CLCN6: variants seen among roughly 807,000 people sequenced by gnomAD.
The protein encoded by CLCN6 is Cl-/H+ antiporter 6.
CLCN6 carries 70 observed loss-of-function variants against 109.8 expected under a neutral mutation model. The ratio of observed to expected loss-of-function variants is 0.64; its 90% CI spans 0.53 to 0.78. CLCN6 has a LOEUF of 0.78. Ranked by LOEUF, CLCN6 falls within the 30% of genes least tolerant of loss-of-function variation. The pLI is 0.00. For synonymous variants in CLCN6, 444 were observed against 447.8 expected (o/e 0.99, Z 0.11); for missense variants, 984 against 1,142.3 (o/e 0.86, Z 2.00).
At chr1:11,812,666 G>T (rs1315292398) in intron 2 of CLCN6, among the ~76,000 whole-genome samples, 3 of 48,378 alleles carry the variant, frequency 6.2e-5, no homozygotes, top group East Asian at 7.6e-4. Context: ...AAGTATGTTT[G>T]TGTGTGTGTG....
At chr1:11,826,879 G>A (rs891638849) in intron 9 of CLCN6, among the ~76,000 whole-genome samples, 5 of 152,124 alleles carry the variant, frequency 3.3e-5, no homozygotes, top group African/African-American at 1.2e-4. Context: ...CAGAGTAGCC[G>A]CCATGCTGAA....
Position 11,834,422 on chromosome 1 carries a change from T to C in CLCN6, c.1686+27T>C, listed in dbSNP as rs996552785. The C allele has an allele frequency of 3.7e-6, 6 of 1,612,982 alleles. No individual in the cohort carries two copies. The highest frequency in any genetic ancestry group is 5.1e-6 in the Non-Finnish European group (6 of 1,179,238). ...TGAGCACACTCCCTCCAGGCCCCTG[T>C]CAGGCTCAGGGCCACGTCCGCCCCA... On this transcript the variant is annotated intron_variant, in intron 16 of 22. Coordinates refer to ENST00000346436, the MANE Select transcript of CLCN6 (RefSeq NM_001286.5). This position sits in a 1 kb window ranked among gnomAD's most constrained non-coding sequence, Gnocchi z 4.5.
At chr1:11,830,282 C>CT (rs991352850) in intron 13 of CLCN6, 10 of 151,894 alleles carry the variant, frequency 6.6e-5, no homozygotes, top group African/African-American at 1.9e-4. Flanking sequence ...TGAGCATTCT[C>CT]TAAGTGCGGT....
At chr1:11,824,457 G>C (rs1392358467) in intron 7 of CLCN6, 29 bp from the exon 8 acceptor site, 3 of 1,601,376 alleles carry the variant, frequency 1.9e-6, no homozygotes, top group Admixed American at 3.4e-5. Context: ...TGCACTGACT[G>C]TTGGTCTTTC....
Position 11,834,250 on chromosome 1 carries a change from G to T in CLCN6, c.1541G>T (p.Gly514Val). 6.2e-7 allele frequency: 1 copy of T among 1,613,460 alleles called. No individual in the cohort carries two copies. The highest frequency in any genetic ancestry group is 1.7e-5 in the Admixed American group (1 of 59,918). ...ANVLKSYIGLGHIYSGTFALI... is the reference protein window; with the variant it reads ...ANVLKSYIGLVHIYSGTFALI... ...TCCTTCACTAGCTACATTGGATTGG[G>T]CCACATCTATTCGGGGACCTTTGCC... is the stretch of plus-strand genomic sequence containing the variant. Residue 514 changes from glycine (G) to valine (V), a missense_variant, in exon 16 of 23, where the codon GGC (glycine) becomes GTC (valine). By Grantham distance (109) the Gly-to-Val change is moderately radical. Transcript: ENST00000346436. This position sits in a 1 kb window ranked among gnomAD's most constrained non-coding sequence, Gnocchi z 4.5.
chr1:11,820,891 A>G (rs1644732419), intron 5 of CLCN6: 1 of 152,524 alleles, frequency 6.6e-6, no homozygotes, highest in African/African-American at 2.4e-5. Flanking sequence ...CCTGGCTAAC[A>G]TGACAAAACC....
intron 9 of CLCN6, among the ~76,000 whole-genome samples, chr1:11,826,425 A>G (rs1022286230): frequency 6.6e-6 from 1 of 152,250 alleles, no homozygotes; most frequent in East Asian, 1.9e-4. Context: ...CGTAAGGCCT[A>G]GAAGCATCTC....
At chr1:11,809,101 A>T (rs1242659838) in intron 2 of CLCN6, among the ~76,000 whole-genome samples, 1 of 152,002 alleles carries the variant, frequency 6.6e-6, no homozygotes, top group East Asian at 1.9e-4. Context: ...ACCTCAGGTG[A>T]TACTGCTTCG....
chr1:11,833,430 C>A, intron 13 of CLCN6, 85 bp from the exon 14 acceptor site: 1 of 1,389,818 alleles, frequency 7.2e-7, no homozygotes, highest in Non-Finnish European at 1.0e-6. Context: ...GTGCAGCCAC[C>A]TGTTTTGGAC....
rs886685822 is a variant in CLCN6 at position 11,827,205 on chromosome 1, G to A, written c.824G>A (p.Gly275Glu). The change falls in exon 10 of 23, where the codon GGG becomes GAG. Residue 275 changes from glycine (G) to glutamate (E), a missense_variant. Transcript: ENST00000346436. Reference sequence around the variant, plus strand: ...GAGGGTTCGTCCTTCTGGAACCAAGGGCTCACGTGGAAAGTGGTGAGGAGG... The same window carrying A: ...GAGGGTTCGTCCTTCTGGAACCAAGAGCTCACGTGGAAAGTGGTGAGGAGG... Reference protein sequence around the residue: ...LEEGSSFWNQGLTWKVLFCSM... With the variant: ...LEEGSSFWNQELTWKVLFCSM... The A allele has an allele frequency of 6.2e-7, 1 of 1,612,324 alleles. No individual in the cohort carries two copies. Among genetic ancestry groups the A allele is most frequent in the Admixed American group, 1.7e-5 (1 of 59,706 alleles).
At chr1:11,827,992 G>A (rs1321375189) in intron 10 of CLCN6, 114 bp from the exon 11 acceptor site, 6 of 764,738 alleles carry the variant, frequency 7.8e-6, no homozygotes, top group East Asian at 4.9e-5. Flanking sequence ...CTCTGTACCC[G>A]GATGTAGATT....
At chr1:11,811,909 T>A (rs934085501) in intron 2 of CLCN6, among the ~76,000 whole-genome samples, 4 of 152,108 alleles carry the variant, frequency 2.6e-5, no homozygotes, top group Non-Finnish European at 4.4e-5. Flanking sequence ...CCATACATAT[T>A]TTGGATGAAG....
rs775535430 is a variant in CLCN6, at chr1:11,837,035, A to C, written c.2017A>C (p.Lys673Gln). The C allele has an allele frequency of 2.5e-6, 4 of 1,612,410 alleles. No homozygotes were observed. In the African/African-American group the frequency reaches 5.3e-5, roughly 22 times the overall value. The change falls in exon 19 of 23, where the codon AAA becomes CAA. Residue 673 changes from lysine to glutamine, a missense_variant. By Grantham distance (53) the Lys-to-Gln change is moderately conservative (BLOSUM62 1). Coordinates refer to ENST00000346436, the MANE Select transcript of CLCN6 (RefSeq NM_001286.5). ...CCTCACCCGGGCTGGCGAGCAGCGC[A>C]AACGGAGCCAGTCCATGAAGTCCTA... Reference protein sequence around the residue: ...SILTRAGEQRKRSQSMKSYPS... With the variant: ...SILTRAGEQRQRSQSMKSYPS...
At chr1:11,828,690 A>G (rs1348837657) in intron 12 of CLCN6, 66 bp downstream of exon 12, 4 of 1,499,712 alleles carry the variant, frequency 2.7e-6, no homozygotes, top group African/African-American at 2.8e-5. Flanking sequence ...GGGCCGCGCC[A>G]TCTCTCCCGA....
At chr1:11,821,855 G>A (rs1644747962) in intron 5 of CLCN6, among the ~76,000 whole-genome samples, 1 of 151,922 alleles carries the variant, frequency 6.6e-6, no homozygotes, top group South Asian at 2.1e-4. Flanking sequence ...TAGACATCAT[G>A]TCATTTCTGT....
intron 13 of CLCN6, 124 bp downstream of exon 13, chr1:11,829,446 C>T (rs986574165): frequency 1.8e-5 from 20 of 1,134,544 alleles, no homozygotes; most frequent in African/African-American, 1.1e-4. Flanking sequence ...ATTACCTGAG[C>T]GTTGAGAGAT....
At chr1:11,823,365 T>A (rs2100631430) in intron 6 of CLCN6, among the ~76,000 whole-genome samples, 1 of 152,060 alleles carries the variant, frequency 6.6e-6, no homozygotes, top group Middle Eastern at 3.4e-3. Flanking sequence ...TAATCCCAGC[T>A]ACTCGGGCGA....
chr1:11,809,823 T>A (rs1199711765), intron 2 of CLCN6, among the ~76,000 whole-genome samples: 1 of 152,240 alleles, frequency 6.6e-6, no homozygotes. Flanking sequence ...CTCAACCATC[T>A]TCAAGAATGA....
At position 11,827,430 on chromosome 1, in the gene CLCN6, C is replaced by CTTTTT. The variant is rs59015951; in HGVS notation, c.840+228_840+232dup. 5.7e-3 allele frequency among the ~76,000 whole-genome samples: 601 copies of CTTTTT among 105,006 alleles called. 25 individuals are homozygous for CTTTTT. Among genetic ancestry groups the CTTTTT allele is most frequent in the African/African-American group, 0.018 (451 of 25,024 alleles). 68.9% of individuals were successfully genotyped at this position (105,006 alleles called of 152,430 possible). ...CTAACCCCAAATCAAACCGCTGTTA[C>CTTTTT]TTTTTTTTTTTTTTTTTTTTTTTGA... On this transcript the variant is annotated intron_variant, in intron 10 of 22. Transcript: ENST00000346436.
Sources: gnomAD v4.1 joint callset for allele counts (sites outside exome capture counted in the v4.1 genomes callset) on GRCh38, gnomAD v4.1.1 for gene constraint, Gnocchi (gnomAD v3.1) non-coding constraint, MANE v1.5 for transcripts, NCBI Gene and HGNC (gene_info 2026-07-23, HGNC 2026-07-21) for gene names.